TTLL9: variants seen among roughly 807,000 people sequenced by gnomAD.
TTLL9 encodes the protein probable tubulin polyglutamylase TTLL9.
A neutral mutation model predicts 65.6 loss-of-function variants in TTLL9; 47 were observed. That is an observed-to-expected ratio of 0.72 (90% CI 0.57 to 0.91). The LOEUF (loss-of-function observed/expected upper bound fraction) is 0.91, where lower values mean the gene tolerates loss of function less well. TTLL9 is among the 40% of genes least tolerant of loss of function. TTLL9 has a pLI of 0.00. For missense variants in TTLL9, 537 were observed against 568.8 expected (o/e 0.94, Z 0.57); for synonymous variants, 179 against 204.8 (o/e 0.87, Z 1.07).
chr20:31,926,944 AAAAAAT>A (rs1473632396), intron 10 of TTLL9, among the ~76,000 whole-genome samples: 1 of 151,696 alleles, frequency 6.6e-6, no homozygotes, highest in Non-Finnish European at 1.5e-5. Context: ...GTCTCTATGA[AAAAAAT>A]AAAAATAAAA....
At position 31,871,214 on chromosome 20, in the gene TTLL9, G is replaced by A. The variant is rs1267103326; in HGVS notation, c.69+19G>A. The A allele has an allele frequency of 1.2e-6, 2 of 1,612,970 alleles. No individual in the cohort carries two copies. Among genetic ancestry groups the A allele is most frequent in the Non-Finnish European group, 1.7e-6 (2 of 1,178,924 alleles). On this transcript the variant is annotated intron_variant, in intron 2 of 14. Coordinates refer to ENST00000535842, the MANE Select transcript of TTLL9 (RefSeq NM_001008409.5). ...ATTACAGGTGAATGTTGGGAGAGGG[G>A]TTTGAGGGAGGGTTCCAGTCTGAAG...
intron 4 of TTLL9, among the ~76,000 whole-genome samples, chr20:31,906,863 T>C (rs986325476): frequency 2.0e-5 from 3 of 152,164 alleles, no homozygotes; most frequent in South Asian, 2.1e-4. Context: ...TTGGCCAGGC[T>C]GGTCTCAAAC....
chr20:31,941,329 CT>C (rs1242210087), intron 14 of TTLL9: 1 of 152,026 alleles, frequency 6.6e-6, no homozygotes, highest in Admixed American at 6.5e-5. Flanking sequence ...TTGCAGCCTT[CT>C]TTGCCAACAG....
intron 10 of TTLL9, 60 bp from the exon 11 acceptor site, chr20:31,933,740 T>G: frequency 6.4e-7 from 1 of 1,552,204 alleles, no homozygotes; most frequent in Non-Finnish European, 8.8e-7. Flanking sequence ...CCTGGGGACT[T>G]CGTGGGGCAG....
chr20:31,911,773 A>G (rs1204471982), intron 6 of TTLL9, among the ~76,000 whole-genome samples: 1 of 152,018 alleles, frequency 6.6e-6, no homozygotes. Context: ...TTAGCAGCAG[A>G]CACAACGGCA....
In TTLL9 at chr20:31,908,590, G is replaced by A; in HGVS notation, c.207-1G>A. ...TATCCCCGCCCCCACCCCACCCCCA[G>A]CGAAGGGGAGTGGGATTTCTACTGG... On this transcript the variant is annotated splice_acceptor_variant, in intron 4 of 14. Coordinates refer to ENST00000535842, the MANE Select transcript of TTLL9 (RefSeq NM_001008409.5). LOFTEE classifies it high-confidence loss of function. 6.7e-7 allele frequency: 1 copy of A among 1,490,804 alleles called. No homozygotes were observed. The highest frequency in any genetic ancestry group is 9.3e-7 in the Non-Finnish European group (1 of 1,071,186). 92.3% of individuals were successfully genotyped at this position (1,490,804 alleles called of 1,614,324 possible). A position where few individuals can be genotyped will look rare whatever the true frequency, so the allele number is the denominator to read the frequency against.
intron 2 of TTLL9, among the ~76,000 whole-genome samples, chr20:31,886,311 A>G (rs146158948): frequency 6.6e-6 from 1 of 152,310 alleles, no homozygotes; most frequent in Non-Finnish European, 1.5e-5. Flanking sequence ...CACAGGACCA[A>G]TTTCGATTTC....
Position 31,879,852 on chromosome 20 carries a change from G to A in TTLL9, c.70-7344G>A, listed in dbSNP as rs965768905. On this transcript the variant is annotated intron_variant, in intron 2 of 14. Transcript: ENST00000535842. ...ATAAGCACGCGAGGCGCGCGGTGGCGGTTTGGATCTGGCCCCTGGGGAATC... is the reference window on the plus strand; with the variant it reads ...ATAAGCACGCGAGGCGCGCGGTGGCAGTTTGGATCTGGCCCCTGGGGAATC... 12 of 1,550,234 alleles carry A rather than the reference G, an allele frequency of 7.7e-6. No homozygotes were observed. The East Asian group carries it at 2.7e-4, about 35-fold the overall frequency.
intron 4 of TTLL9, among the ~76,000 whole-genome samples, chr20:31,904,384 G>T (rs2063521570): frequency 7.5e-6 from 1 of 132,640 alleles, no homozygotes; most frequent in Non-Finnish European, 1.6e-5. Context: ...TTGAGACAGG[G>T]TCTCACTCTG....
chr20:31,871,139 AG>A lies in TTLL9; in HGVS notation c.16del (p.Glu6LysfsTer46). The part of the protein sequence containing the change: MVPS[R>X]EALLGPGTTA... ...GCCCCTAGGAGGGATGGTGCCATCCAGGGAAGCTCTGCTGGGACCAGGCACA... is the reference window on the plus strand; with the variant it reads ...GCCCCTAGGAGGGATGGTGCCATCCAGGAAGCTCTGCTGGGACCAGGCACA... On this transcript the variant is annotated frameshift_variant, in exon 2 of 15. Coordinates refer to ENST00000535842, the MANE Select transcript of TTLL9 (RefSeq NM_001008409.5). LOFTEE classifies it high-confidence loss of function. 1 of 1,614,068 alleles carries A rather than the reference AG, an allele frequency of 6.2e-7. No homozygotes were observed. The highest frequency in any genetic ancestry group is 8.5e-7 in the Non-Finnish European group (1 of 1,180,006).
At chr20:31,872,854 G>A (rs1285398370) in intron 2 of TTLL9, among the ~76,000 whole-genome samples, 2 of 152,226 alleles carry the variant, frequency 1.3e-5, no homozygotes, top group Non-Finnish European at 2.9e-5. Context: ...TAAGAGGACG[G>A]TTCAGGGCCG....
At chr20:31,932,226 C>CT (rs1048229918) in intron 10 of TTLL9, among the ~76,000 whole-genome samples, 3 of 152,228 alleles carry the variant, frequency 2.0e-5, no homozygotes, top group African/African-American at 7.2e-5. Flanking sequence ...AATCCCAGTA[C>CT]TTTGGGAGGC....
At chr20:31,920,385 G>A (rs147001421) in intron 7 of TTLL9, among the ~76,000 whole-genome samples, 1 of 152,172 alleles carries the variant, frequency 6.6e-6, no homozygotes, top group East Asian at 1.9e-4. Flanking sequence ...ACTGAGCCTC[G>A]GGGGCAGCTA....
At chr20:31,938,112 C>T (rs1568844377) in intron 13 of TTLL9, 2 of 375,268 alleles carry the variant, frequency 5.3e-6, no homozygotes, top group Non-Finnish European at 5.3e-6. Context: ...CCCTCTCCCT[C>T]CCTCCCTCTC....
chr20:31,932,028 G>T (rs2064022177), intron 10 of TTLL9, among the ~76,000 whole-genome samples: 2 of 152,104 alleles, frequency 1.3e-5, no homozygotes, highest in Non-Finnish European at 1.5e-5. Context: ...TTATATTTAG[G>T]TCTGTGGTCC....
At chr20:31,923,192 A>T (rs1350739723) in intron 8 of TTLL9, 139 bp downstream of exon 8, 1 of 678,734 alleles carries the variant, frequency 1.5e-6, no homozygotes. Context: ...TGGGTTCTGC[A>T]GTCTCCCACC....
intron 13 of TTLL9, chr20:31,938,105 T>TCTCC (rs1442982271): frequency 2.2e-5 from 6 of 275,546 alleles, no homozygotes; most frequent in Admixed American, 3.9e-5. Context: ...TCCCTCTCCC[T>TCTCC]CTCCCTCCCT....
intron 3 of TTLL9, among the ~76,000 whole-genome samples, chr20:31,890,516 T>C (rs6121265): frequency 0.011 from 1,613 of 152,226 alleles, 23 homozygotes; most frequent in African/African-American, 0.037. Context: ...TACGAAGTAT[T>C]GGTTCCACTA....
chr20:31,902,716 C>G (rs950437800), intron 4 of TTLL9, among the ~76,000 whole-genome samples: 1 of 152,054 alleles, frequency 6.6e-6, no homozygotes, highest in Non-Finnish European at 1.5e-5. Flanking sequence ...AGTGGAGTGA[C>G]TGGGTGATAT....
Sources: gnomAD v4.1 joint callset for allele counts (sites outside exome capture counted in the v4.1 genomes callset) on GRCh38, gnomAD v4.1.1 for gene constraint, MANE v1.5 for transcripts, NCBI Gene and HGNC (gene_info 2026-07-23, HGNC 2026-07-21) for gene names.